Variants in HIRA observed in about 807,000 individuals in gnomAD.
HIRA encodes histone cell cycle regulator.
In HIRA, 13 loss-of-function variants were observed where a neutral mutation model predicts 126.6. The observed-to-expected ratio is 0.10, with a 90% CI of 0.07 to 0.16. The LOEUF is 0.16. HIRA is among the 10% of genes least tolerant of loss of function. The pLI is 1.00. For synonymous variants in HIRA, 511 were observed against 520.0 expected (o/e 0.98, Z 0.24); for missense variants, 834 against 1,314.4 (o/e 0.63, Z 5.65).
intron 23 of HIRA, among the ~76,000 whole-genome samples, chr22:19,353,125 C>T (rs116257783): frequency 5.9e-5 from 9 of 152,350 alleles, no homozygotes; most frequent in African/African-American, 2.2e-4. Context: ...CTCCGTCCTG[C>T]TGCCTGTCCT....
At chr22:19,399,925 A>C (rs1312907277) in intron 5 of HIRA, among the ~76,000 whole-genome samples, 2 of 152,222 alleles carry the variant, frequency 1.3e-5, no homozygotes, top group Non-Finnish European at 2.9e-5. Flanking sequence ...CAGTGCCTAC[A>C]AAAATGAAGA....
chr22:19,379,883 AC>A (rs552567706), intron 13 of HIRA, among the ~76,000 whole-genome samples: 159 of 152,030 alleles, frequency 1.0e-3, no homozygotes, highest in Non-Finnish European at 1.8e-3. Flanking sequence ...ATCTCGGCTC[AC>A]TGCAACCTCT....
intron 10 of HIRA, 60 bp downstream of exon 10, chr22:19,388,424 A>G: frequency 7.3e-7 from 1 of 1,364,626 alleles, no homozygotes; most frequent in East Asian, 2.3e-5. Flanking sequence ...AGAAGGCCTC[A>G]TGTTCCAATG....
chr22:19,392,826 C>T (rs2089193698), intron 8 of HIRA, among the ~76,000 whole-genome samples: 1 of 152,124 alleles, frequency 6.6e-6, no homozygotes, highest in Admixed American at 6.5e-5. Context: ...AGGGAACTAC[C>T]CCGAGAGTAA....
In HIRA at chr22:19,361,816, G is replaced by C; in HGVS notation, c.1891C>G (p.Leu631Val). 1.2e-6 allele frequency: 2 copies of C among 1,614,144 alleles called. No homozygotes were observed. Among genetic ancestry groups the C allele is most frequent in the Non-Finnish European group, 1.7e-6 (2 of 1,180,038 alleles). ...TCTACTGTCTCTACCTCAAGCTCAAGTTTTCGCTTGGACAGTGAGGAAGCC... is the reference window on the plus strand; with the variant it reads ...TCTACTGTCTCTACCTCAAGCTCAACTTTTCGCTTGGACAGTGAGGAAGCC... Reference protein sequence around the residue: ...AKASSLSKRKLELEVETVEKK... With the variant: ...AKASSLSKRKVELEVETVEKK... The change falls in exon 16 of 25, where the codon CTT (leucine) becomes GTT (valine). Residue 631 changes from leucine (L) to valine (V), a missense_variant. By Grantham distance (32) the Leu-to-Val change is conservative. Transcript: ENST00000263208.
chr22:19,419,302 G>T (rs151024722), intron 1 of HIRA, among the ~76,000 whole-genome samples: 2 of 152,214 alleles, frequency 1.3e-5, no homozygotes, highest in East Asian at 3.9e-4. Context: ...TTGCACAATG[G>T]CCACCCCGCC....
intron 24 of HIRA, among the ~76,000 whole-genome samples, chr22:19,335,539 C>T (rs373726459): frequency 3.8e-4 from 58 of 152,252 alleles, no homozygotes; most frequent in Middle Eastern, 6.8e-3. Flanking sequence ...GCCACCGCGC[C>T]GAACGAGAAC....
rs556039106 is a variant in HIRA, at chr22:19,357,453, C to A, written c.2235-402G>T. Among the ~76,000 whole-genome samples the A allele has an allele frequency of 2.0e-5, 3 of 152,350 alleles. No homozygotes were observed. In the South Asian group the frequency reaches 6.2e-4, roughly 32 times the overall value. ...AGACCAGTCCTGAGAAGGTCTCTAA[C>A]AAGGCAGGCTAAGAGAAGTATGGGG... On this transcript the variant is annotated intron_variant, in intron 18 of 24. Transcript: ENST00000263208.
At chr22:19,403,112 A>AC (rs1232317237) in intron 5 of HIRA, among the ~76,000 whole-genome samples, 1 of 151,802 alleles carries the variant, frequency 6.6e-6, no homozygotes, top group Non-Finnish European at 1.5e-5. Flanking sequence ...AAAAAAAAAA[A>AC]AAAAAAGAAA....
chr22:19,352,602 T>C (rs1556011239), intron 23 of HIRA, among the ~76,000 whole-genome samples: 1 of 152,210 alleles, frequency 6.6e-6, no homozygotes, highest in East Asian at 1.9e-4. Flanking sequence ...GAGGCACATG[T>C]GACATGTTAG....
chr22:19,378,481 G>C (rs553516781), intron 13 of HIRA, among the ~76,000 whole-genome samples: 9 of 152,250 alleles, frequency 5.9e-5, no homozygotes, highest in Admixed American at 1.3e-4. Context: ...TCTACTGAGG[G>C]ACCACAAGAC....
At position 19,352,484 on chromosome 22, in the gene HIRA, C is replaced by T. The variant is rs372169514; in HGVS notation, c.2848+872G>A. Among the ~76,000 whole-genome samples the T allele has an allele frequency of 7.0e-4, 106 of 152,174 alleles. 4 individuals carry two copies. In the South Asian group the frequency reaches 0.022, roughly 31 times the overall value. On this transcript the variant is annotated intron_variant, in intron 23 of 24. Transcript: ENST00000263208. ...GAAGAGTAAACATCAAATTCATCAT[C>T]GTGGTCTGCAGGGAGGGAGGGGAGG...
chr22:19,396,665 C>T, intron 7 of HIRA, 122 bp downstream of exon 7: 1 of 957,934 alleles, frequency 1.0e-6, no homozygotes, highest in South Asian at 1.5e-5. Flanking sequence ...CCGCTCAGGC[C>T]CCCGGACTCT....
intron 5 of HIRA, among the ~76,000 whole-genome samples, chr22:19,403,847 C>T (rs1601848197): frequency 6.6e-6 from 1 of 152,312 alleles, no homozygotes; most frequent in East Asian, 1.9e-4. Context: ...GCACCTACAA[C>T]TAATTTAGAA....
At chr22:19,403,309 T>A (rs906504975) in intron 5 of HIRA, among the ~76,000 whole-genome samples, 2 of 152,118 alleles carry the variant, frequency 1.3e-5, no homozygotes, top group Non-Finnish European at 2.9e-5. Flanking sequence ...CATTTAATCA[T>A]AATAAATTAC....
At chr22:19,372,892 G>A (rs1381861297) in intron 15 of HIRA, among the ~76,000 whole-genome samples, 3 of 152,048 alleles carry the variant, frequency 2.0e-5, no homozygotes, top group Non-Finnish European at 4.4e-5. Flanking sequence ...TTTTTAACAT[G>A]GTTTTGTAAA....
At chr22:19,338,046 C>G (rs1317927675) in intron 24 of HIRA, among the ~76,000 whole-genome samples, 1 of 152,112 alleles carries the variant, frequency 6.6e-6, no homozygotes, top group Non-Finnish European at 1.5e-5. Context: ...CCCACCTTGG[C>G]CTCCCTAAGT....
chr22:19,335,697 CT>C lies in HIRA; in HGVS notation c.2938-4142del, dbSNP rs543699915. On this transcript the variant is annotated intron_variant, in intron 24 of 24. Coordinates refer to ENST00000263208, the MANE Select transcript of HIRA (RefSeq NM_003325.4). Reference sequence around the variant, plus strand: ...AACTCCATTTATTGAATAGCCCCCCCTATTTTTCCCACTGTATCTGTTTTGT... The same window carrying C: ...AACTCCATTTATTGAATAGCCCCCCCATTTTTCCCACTGTATCTGTTTTGT... Among the ~76,000 whole-genome samples, 21 of 152,192 alleles carry C rather than the reference CT, an allele frequency of 1.4e-4. No homozygotes were observed. In the South Asian group the frequency reaches 4.4e-3, roughly 32 times the overall value.
At position 19,408,462 on chromosome 22, in the gene HIRA, CA is replaced by C; in HGVS notation, c.211+20del. 1 of 1,496,322 alleles carries C rather than the reference CA, an allele frequency of 6.7e-7. No homozygotes were observed. The highest frequency in any genetic ancestry group is 9.3e-7 in the Non-Finnish European group (1 of 1,072,642). The allele number at this position is 1,496,322 out of a possible 1,614,324, so 92.7% of individuals were successfully genotyped here. A position where few individuals can be genotyped will look rare whatever the true frequency, so the allele number is the denominator to read the frequency against. ...GCACTCTGCCAACACGCAAAGCCTG[CA>C]AAGGGCCACTCTGTAATACCTAAGT... On this transcript the variant is annotated intron_variant, in intron 3 of 24. Coordinates refer to ENST00000263208, the MANE Select transcript of HIRA (RefSeq NM_003325.4).
Sources: allele counts gnomAD v4.1 joint callset (sites outside exome capture counted in the v4.1 genomes callset), GRCh38; gene constraint gnomAD v4.1.1; transcripts MANE v1.5; gene names NCBI Gene and HGNC (gene_info 2026-07-23, HGNC 2026-07-21).